The following SLC38A8 variants were observed in gnomAD, a reference collection of about 807,000 sequenced individuals.
SLC38A8 encodes solute carrier family 38 member 8, also known as amino acid transporter SLC38A8.
A neutral mutation model predicts 46.0 loss-of-function variants in SLC38A8; 65 were observed. That is an observed-to-expected ratio of 1.41 (90% CI 1.16 to 1.74). SLC38A8 has a LOEUF of 1.74. Among genes scored for constraint, SLC38A8 ranks in the 40% most tolerant of loss-of-function variants. The probability of loss-of-function intolerance (pLI) is 0.00; values close to 1 mark genes in which losing one functional copy is unlikely to be tolerated. For synonymous variants in SLC38A8, 447 were observed against 243.7 expected, an observed-to-expected ratio of 1.83 and a Z score of -7.77; for missense variants, 998 against 567.9, an observed-to-expected ratio of 1.76 and a Z score of -7.70.
chr16:84,016,758 G>T, intron 8 of SLC38A8, 31 bp from the exon 9 acceptor site: 2 of 1,597,182 alleles, frequency 1.3e-6, no homozygotes, highest in African/African-American at 1.3e-5. Flanking sequence ...AGACACATGG[G>T]CATCTCAGGG....
intron 5 of SLC38A8, among the ~76,000 whole-genome samples, chr16:84,031,537 C>T (rs970041818): frequency 2.0e-5 from 3 of 151,474 alleles, no homozygotes; most frequent in African/African-American, 7.2e-5. Flanking sequence ...TCCCCTGCCC[C>T]GGTACATGCA....
At chr16:84,018,380 C>A (rs1285375923) in intron 7 of SLC38A8, among the ~76,000 whole-genome samples, 1 of 151,898 alleles carries the variant, frequency 6.6e-6, no homozygotes, top group South Asian at 2.1e-4. Context: ...CTACAGACGC[C>A]CGCCACATTT....
chr16:84,019,745 T>A (rs1240710808), intron 7 of SLC38A8, among the ~76,000 whole-genome samples: 3 of 152,138 alleles, frequency 2.0e-5, no homozygotes, highest in African/African-American at 7.2e-5. Context: ...GCAATCTACT[T>A]CCAGGACACA....
Position 84,022,866 on chromosome 16 carries a change from G to C in SLC38A8, c.714C>G (p.Ile238Met), listed in dbSNP as rs764842464. 44 of 1,607,704 alleles carry C rather than the reference G, an allele frequency of 2.7e-5. No individual in the cohort carries two copies. The highest frequency in any genetic ancestry group is 3.7e-5 in the Non-Finnish European group (44 of 1,177,752). ...GFQCHEAAVS[I>M]YCSMRKRSLS... Reference sequence around the variant, plus strand: ...GGCTCCGTTTGCGCATGCTGCAGTAGATGGAGACGGCAGCTTCGTGACACT... The same window carrying C: ...GGCTCCGTTTGCGCATGCTGCAGTACATGGAGACGGCAGCTTCGTGACACT... Residue 238 changes from isoleucine to methionine, a missense_variant, in exon 7 of 11, where the codon ATC becomes ATG. Coordinates refer to ENST00000299709, the MANE Select transcript of SLC38A8 (RefSeq NM_001080442.3).
intron 8 of SLC38A8, 77 bp from the exon 9 acceptor site, chr16:84,016,804 T>G (rs2085032604): frequency 4.8e-6 from 7 of 1,453,928 alleles, no homozygotes; most frequent in East Asian, 2.4e-5. Context: ...TCCCCAGTCC[T>G]CCAGGAGTCC....
intron 10 of SLC38A8, among the ~76,000 whole-genome samples, chr16:84,012,774 C>A (rs2084969370): frequency 6.6e-6 from 1 of 152,224 alleles, no homozygotes; most frequent in Non-Finnish European, 1.5e-5. Flanking sequence ...CACAGACCCT[C>A]AGAGTGGAAG....
chr16:84,035,398 G>A (rs1042453139), intron 3 of SLC38A8, among the ~76,000 whole-genome samples: 5 of 152,152 alleles, frequency 3.3e-5, no homozygotes, highest in Non-Finnish European at 7.3e-5. Flanking sequence ...GAGACACACA[G>A]AACACACACA....
At chr16:84,012,457 G>A (rs2084965824) in intron 10 of SLC38A8, among the ~76,000 whole-genome samples, 1 of 152,112 alleles carries the variant, frequency 6.6e-6, no homozygotes, top group African/African-American at 2.4e-5. Flanking sequence ...TGGGGCCTGG[G>A]AGCCAGGGGC....
At chr16:84,019,807 C>G (rs1436313657) in intron 7 of SLC38A8, among the ~76,000 whole-genome samples, 1 of 152,192 alleles carries the variant, frequency 6.6e-6, no homozygotes, top group East Asian at 1.9e-4. Context: ...AGACTAAGGC[C>G]AAAGGAAAGG....
At chr16:84,029,731 T>C (rs1032222232) in intron 5 of SLC38A8, among the ~76,000 whole-genome samples, 180 bp from the exon 6 acceptor site, 1 of 151,420 alleles carries the variant, frequency 6.6e-6, no homozygotes, top group African/African-American at 2.4e-5. Context: ...GCTGGCTAAA[T>C]GCTGCACTTT....
At position 84,013,045 on chromosome 16, in the gene SLC38A8, G is replaced by A; in HGVS notation, c.1170C>T (p.Cys390=). ...SFFIFIFPGL[C]LICAMGVEPI... ...GCTCGACACCCATTGCACAGATGAG[G>A]CACAAACCTGCAAAAAAGACAGGGT... The change falls in exon 10 of 11, where the codon TGC becomes TGT. Residue 390 remains cysteine (C), a synonymous_variant. Coordinates refer to ENST00000299709, the MANE Select transcript of SLC38A8 (RefSeq NM_001080442.3). 5.0e-6 allele frequency: 8 copies of A among 1,614,088 alleles called. No individual in the cohort carries two copies. The highest frequency in any genetic ancestry group is 5.9e-6 in the Non-Finnish European group (7 of 1,179,960).
intron 5 of SLC38A8, among the ~76,000 whole-genome samples, chr16:84,029,993 A>G: frequency 6.6e-6 from 1 of 152,208 alleles, no homozygotes; most frequent in Middle Eastern, 3.2e-3. Context: ...CTCCAGGTCC[A>G]GCCTCTTGGG....
At chr16:84,036,332 G>C (rs535755895) in intron 3 of SLC38A8, among the ~76,000 whole-genome samples, 2 of 152,242 alleles carry the variant, frequency 1.3e-5, no homozygotes, top group Admixed American at 6.5e-5. Flanking sequence ...TCGGGAACTC[G>C]AGGCCAAGGT....
chr16:84,013,019 G>C lies in SLC38A8; in HGVS notation c.1196C>G (p.Pro399Arg), dbSNP rs2084972356. ...LCLICAMGVE[P>R]IGPRVKCCLE... ...CACTTACTTGACTCTTGGTCCTATAGGCTCGACACCCATTGCACAGATGAG... is the reference window on the plus strand; with the variant it reads ...CACTTACTTGACTCTTGGTCCTATACGCTCGACACCCATTGCACAGATGAG... The change falls in exon 10 of 11, where the codon CCT becomes CGT. Residue 399 changes from proline (P) to arginine (R), a missense_variant. By Grantham distance (103) the Pro-to-Arg change is moderately radical. Coordinates refer to ENST00000299709, the MANE Select transcript of SLC38A8 (RefSeq NM_001080442.3). 1 of 1,614,170 alleles carries C rather than the reference G, an allele frequency of 6.2e-7. No individual in the cohort carries two copies. Among genetic ancestry groups the C allele is most frequent in the Non-Finnish European group, 8.5e-7 (1 of 1,180,006 alleles).
chr16:84,043,315 C>T (rs1425853802), upstream of SLC38A8, among the ~76,000 whole-genome samples: 2 of 152,232 alleles, frequency 1.3e-5, no homozygotes, highest in African/African-American at 2.4e-5. Context: ...CCGGAAAATG[C>T]TGGCACATGC....
intron 7 of SLC38A8, among the ~76,000 whole-genome samples, chr16:84,019,699 G>T (rs2085073380): frequency 6.6e-6 from 1 of 152,204 alleles, no homozygotes; most frequent in Admixed American, 6.5e-5. Flanking sequence ...GAGGTCCAAA[G>T]TCCAGAGTGT....
At chr16:84,025,043 T>C (rs1032073324) in intron 6 of SLC38A8, among the ~76,000 whole-genome samples, 1 of 152,150 alleles carries the variant, frequency 6.6e-6, no homozygotes, top group African/African-American at 2.4e-5. Flanking sequence ...TCATGTGAAT[T>C]CATTTCCCTG....
chr16:84,011,332 A>C (rs960047814), intron 10 of SLC38A8, among the ~76,000 whole-genome samples: 2 of 152,248 alleles, frequency 1.3e-5, no homozygotes, highest in Non-Finnish European at 2.9e-5. Context: ...AAAGCATCCC[A>C]GGGAATGAGC....
intron 10 of SLC38A8, among the ~76,000 whole-genome samples, chr16:84,010,146 C>G (rs111856518): frequency 0.051 from 7,339 of 144,610 alleles, 218 homozygotes; most frequent in South Asian, 0.1. Context: ...TCTCGGCTCA[C>G]TGCAGCCTCC....
Sources: gnomAD v4.1 joint callset for allele counts (sites outside exome capture counted in the v4.1 genomes callset) on GRCh38, gnomAD v4.1.1 for gene constraint, MANE v1.5 for transcripts, NCBI Gene and HGNC (gene_info 2026-07-23, HGNC 2026-07-21) for gene names.